The following DCC variants were observed in gnomAD, a reference collection of about 807,000 sequenced individuals.
DCC encodes the protein DCC netrin 1 receptor.
Under a neutral mutation model 172.5 loss-of-function variants are expected in DCC, and 58 were observed. The observed-to-expected ratio is 0.34, with a 90% CI of 0.27 to 0.42. The LOEUF is 0.42. DCC is among the 10% of genes least tolerant of loss of function. DCC has a pLI of 1.00. For missense variants in DCC, 1,740 were observed against 1,791.0 expected (o/e 0.97, Z 0.51); for synonymous variants, 709 against 644.5 (o/e 1.10, Z -1.52).
intron 5 of DCC, among the ~76,000 whole-genome samples, chr18:52,935,366 A>G (rs1048032798): frequency 3.1e-5 from 4 of 128,362 alleles, no homozygotes; most frequent in African/African-American, 1.1e-4. Context: ...TAAATGACCT[A>G]TATCAATTTA....
At chr18:52,453,257 A>G (rs574407827) in intron 1 of DCC, among the ~76,000 whole-genome samples, 44 of 152,238 alleles carry the variant, frequency 2.9e-4, no homozygotes, top group Non-Finnish European at 3.5e-4. Flanking sequence ...GCACAGATCC[A>G]TTAGGCTCGG....
Position 52,788,432 on chromosome 18 carries a change from C to T in DCC, c.412+36058C>T, listed in dbSNP as rs181309715. 7.9e-5 allele frequency among the ~76,000 whole-genome samples: 12 copies of T among 152,234 alleles called. No homozygotes were observed. The East Asian group carries it at 2.3e-3, about 29-fold the overall frequency. Reference sequence around the variant, plus strand: ...AGGCCTTACCTATCTGTAAAGCATGCAGTATACAACCTTGGAACATTTAGC... The same window carrying T: ...AGGCCTTACCTATCTGTAAAGCATGTAGTATACAACCTTGGAACATTTAGC... On this transcript the variant is annotated intron_variant, in intron 2 of 28. Coordinates refer to ENST00000442544, the MANE Select transcript of DCC (RefSeq NM_005215.4).
intron 21 of DCC, among the ~76,000 whole-genome samples, chr18:53,429,149 G>T (rs1176396493): frequency 8.3e-6 from 1 of 120,718 alleles, no homozygotes; most frequent in Non-Finnish European, 1.6e-5. Flanking sequence ...ATATCGGTTG[G>T]TCTGGCGAAG....
intron 9 of DCC, among the ~76,000 whole-genome samples, chr18:53,193,964 C>T (rs763791943): frequency 6.6e-6 from 1 of 152,134 alleles, no homozygotes; most frequent in Non-Finnish European, 1.5e-5. Flanking sequence ...TAAAAGCAAT[C>T]TATACCTGTC....
At chr18:52,375,466 T>TA (rs1174586243) in intron 1 of DCC, among the ~76,000 whole-genome samples, 1 of 152,244 alleles carries the variant, frequency 6.6e-6, no homozygotes, top group African/African-American at 2.4e-5. Flanking sequence ...ATCATATAAT[T>TA]AATCTTTATT....
rs1416653027 is a variant in DCC, at chr18:52,709,233, G to A, written c.92-42821G>A. On this transcript the variant is annotated intron_variant, in intron 1 of 28. Coordinates refer to ENST00000442544, the MANE Select transcript of DCC (RefSeq NM_005215.4). ...TGCTGGGACTATTAAAATGTAGGTAGATTGTATAATCCGTATTTGATATCT... is the reference window on the plus strand; with the variant it reads ...TGCTGGGACTATTAAAATGTAGGTAAATTGTATAATCCGTATTTGATATCT... 3.9e-5 allele frequency among the ~76,000 whole-genome samples: 6 copies of A among 152,280 alleles called. No homozygotes were observed. In the East Asian group the frequency reaches 1.2e-3, roughly 29 times the overall value.
At chr18:53,119,999 T>C (rs2043460851) in intron 7 of DCC, among the ~76,000 whole-genome samples, 1 of 151,900 alleles carries the variant, frequency 6.6e-6, no homozygotes. Flanking sequence ...AGAAAAATTA[T>C]ATTCAAGTTA....
At chr18:52,347,023 C>T (rs1249120576) in intron 1 of DCC, among the ~76,000 whole-genome samples, 2 of 152,110 alleles carry the variant, frequency 1.3e-5, no homozygotes, top group Non-Finnish European at 1.5e-5. Context: ...CTGGTTCATC[C>T]TTTAAATATT....
chr18:52,552,681 G>T (rs2032808984), intron 1 of DCC, among the ~76,000 whole-genome samples: 1 of 151,868 alleles, frequency 6.6e-6, no homozygotes, highest in South Asian at 2.1e-4. Flanking sequence ...AGTAATCAAG[G>T]CAGTTAATTA....
rs1393636518 is a variant in DCC, at chr18:53,533,877, T to C, written c.*3224T>C. 6.6e-6 allele frequency: 1 copy of C among 152,226 alleles called. No individual in the cohort carries two copies. The highest frequency in any genetic ancestry group is 6.5e-5 in the Admixed American group (1 of 15,278). 9.4% of individuals were successfully genotyped at this position (152,226 alleles called of 1,614,324 possible). A position where few individuals can be genotyped will look rare whatever the true frequency, so the allele number is the denominator to read the frequency against. ...GGATTATTCAAAATTAGGTGTATGT[T>C]CAATCTCCTGCTTTGGTTCCAGCTA... On this transcript the variant is annotated 3_prime_UTR_variant, in exon 29 of 29. Transcript: ENST00000442544.
chr18:53,103,581 C>T (rs1292405491), intron 7 of DCC, among the ~76,000 whole-genome samples: 1 of 151,928 alleles, frequency 6.6e-6, no homozygotes, highest in African/African-American at 2.4e-5. Flanking sequence ...CTATGACTCT[C>T]AATGAAAATT....
At chr18:53,204,173 C>T (rs1421767310) in intron 9 of DCC, among the ~76,000 whole-genome samples, 1 of 80,982 alleles carries the variant, frequency 1.2e-5, no homozygotes, top group African/African-American at 5.3e-5. Flanking sequence ...ACTACAGACC[C>T]CATTAGGGAA....
At position 52,597,782 on chromosome 18, in the gene DCC, A is replaced by G. The variant is rs370315278; in HGVS notation, c.92-154272A>G. Among the ~76,000 whole-genome samples, 6 of 152,338 alleles carry G rather than the reference A, an allele frequency of 3.9e-5. No homozygotes were observed. The East Asian group carries it at 7.7e-4, about 20-fold the overall frequency. ...TCAAAGAATATTATTAATGATCTTC[A>G]AGCAAGACATTCAACAAAATGCTCT... On this transcript the variant is annotated intron_variant, in intron 1 of 28. Coordinates refer to ENST00000442544, the MANE Select transcript of DCC (RefSeq NM_005215.4).
At chr18:53,449,744 G>A (rs909956971) in intron 22 of DCC, among the ~76,000 whole-genome samples, 10 of 152,012 alleles carry the variant, frequency 6.6e-5, no homozygotes, top group Non-Finnish European at 1.3e-4. Context: ...TGTTTTTATT[G>A]AGATATATCT....
intron 5 of DCC, among the ~76,000 whole-genome samples, chr18:52,998,929 T>C (rs1169457958): frequency 6.6e-6 from 1 of 152,036 alleles, no homozygotes. Flanking sequence ...CAAAGTATAA[T>C]TGAGAAAACA....
chr18:53,283,446 G>A (rs984672817), intron 12 of DCC, among the ~76,000 whole-genome samples: 83 of 151,972 alleles, frequency 5.5e-4, no homozygotes, highest in African/African-American at 1.9e-3. Context: ...AATATAGGAA[G>A]GACACGTTTA....
At chr18:52,802,308 G>C (rs2038004708) in intron 2 of DCC, among the ~76,000 whole-genome samples, 1 of 152,060 alleles carries the variant, frequency 6.6e-6, no homozygotes, top group South Asian at 2.1e-4. Context: ...ATCTGGAGGA[G>C]AGTTTTGGAA....
chr18:53,501,136 T>G (rs942787630), intron 27 of DCC, among the ~76,000 whole-genome samples: 1 of 152,218 alleles, frequency 6.6e-6, no homozygotes, highest in Admixed American at 6.5e-5. Flanking sequence ...GTTGACAGCT[T>G]AATTGCAACT....
At chr18:52,571,824 G>T (rs2033301522) in intron 1 of DCC, among the ~76,000 whole-genome samples, 1 of 152,188 alleles carries the variant, frequency 6.6e-6, no homozygotes, top group Non-Finnish European at 1.5e-5. Flanking sequence ...GTCGTTGGAA[G>T]CACTGACTTC....
Sources: gnomAD v4.1 joint callset for allele counts (sites outside exome capture counted in the v4.1 genomes callset) on GRCh38, gnomAD v4.1.1 for gene constraint, MANE v1.5 for transcripts, NCBI Gene and HGNC (gene_info 2026-07-23, HGNC 2026-07-21) for gene names.